GALNT2: variants seen among roughly 807,000 people sequenced by gnomAD.
The protein encoded by GALNT2 is polypeptide N-acetylgalactosaminyltransferase 2.
GALNT2 carries 31 observed loss-of-function variants against 81.4 expected under a neutral mutation model. That is an observed-to-expected ratio of 0.38 (90% confidence interval 0.29 to 0.51). GALNT2 has a LOEUF of 0.51. Ranked by LOEUF, GALNT2 falls within the 20% of genes least tolerant of loss-of-function variation. GALNT2 has a pLI of 0.87. For missense variants in GALNT2, 629 were observed against 765.7 expected, an observed-to-expected ratio of 0.82 and a Z score of 2.11; for synonymous variants, 303 against 287.4, an observed-to-expected ratio of 1.05 and a Z score of -0.55.
intron 1 of GALNT2, among the ~76,000 whole-genome samples, chr1:230,142,653 T>G (rs1661782045): frequency 6.6e-6 from 1 of 152,206 alleles, no homozygotes. Flanking sequence ...AATACGCCTG[T>G]GCTTTGGTGA....
chr1:230,156,246 T>A (rs4846912), intron 1 of GALNT2, among the ~76,000 whole-genome samples: 75,350 of 118,742 alleles, frequency 0.63, 20,488 homozygotes, highest in African/African-American at 0.74. Flanking sequence ...AGAGAGAGAG[T>A]GTGTGTGTGT....
At chr1:230,208,772 G>T (rs1443407494) in intron 3 of GALNT2, among the ~76,000 whole-genome samples, 1 of 152,228 alleles carries the variant, frequency 6.6e-6, no homozygotes, top group Non-Finnish European at 1.5e-5. Flanking sequence ...CGACTGTGAA[G>T]CTAAAAGGAG....
chr1:230,255,336 C>G lies in GALNT2; in HGVS notation c.1128C>G (p.Val376=). 6.2e-7 allele frequency: 1 copy of G among 1,614,252 alleles called. No individual in the cohort carries two copies. Among genetic ancestry groups the G allele is most frequent in the Non-Finnish European group, 8.5e-7 (1 of 1,180,050 alleles). Residue 376 remains valine (V), a synonymous_variant, in exon 11 of 16, where the codon GTC becomes GTG. Transcript: ENST00000366672. The part of the protein sequence containing the change: ...PYTFPGGSGT[V]FARNTRRAAE... ...CGTTCCCGGGTGGCAGTGGCACTGT[C>G]TTTGCCCGGTAAGTAGTGAAAGGCT...
At chr1:230,250,036 T>A (rs191653904) in intron 9 of GALNT2, among the ~76,000 whole-genome samples, 1 of 152,324 alleles carries the variant, frequency 6.6e-6, no homozygotes, top group Non-Finnish European at 1.5e-5. Context: ...TAATGAGAGC[T>A]GGTGCTGTGG....
chr1:230,227,032 A>G (rs1293010810), intron 3 of GALNT2, among the ~76,000 whole-genome samples: 3 of 151,828 alleles, frequency 2.0e-5, no homozygotes, highest in East Asian at 2.0e-4. Context: ...GAGAAGAAAC[A>G]TTAATATTAG....
chr1:230,165,381 G>A (rs1291832345), intron 1 of GALNT2, among the ~76,000 whole-genome samples: 2 of 152,130 alleles, frequency 1.3e-5, no homozygotes, highest in African/African-American at 4.8e-5. Flanking sequence ...ACGTTGTATT[G>A]GTGAATGTTC....
At chr1:230,071,602 G>T (rs7531967) in intron 1 of GALNT2, among the ~76,000 whole-genome samples, 2 of 151,930 alleles carry the variant, frequency 1.3e-5, no homozygotes, top group Non-Finnish European at 2.9e-5. Context: ...GGGCCCTCAC[G>T]TGGTTTAATG....
chr1:230,202,315 C>T lies in GALNT2; in HGVS notation c.221-822C>T, dbSNP rs189312584. ...CTGCCTTTATTACACCTGGGCTCAT[C>T]CTGACTTCACTCGCCTAGCAGTGCT... is the stretch of plus-strand genomic sequence containing the variant. On this transcript the variant is annotated intron_variant, in intron 2 of 15. Coordinates refer to ENST00000366672, the MANE Select transcript of GALNT2 (RefSeq NM_004481.5). Among the ~76,000 whole-genome samples, 493 of 152,272 alleles carry T rather than the reference C, an allele frequency of 3.2e-3. 3 individuals carry two copies. Among genetic ancestry groups the T allele is most frequent in the Non-Finnish European group, 5.4e-3 (367 of 68,008 alleles).
intron 6 of GALNT2, among the ~76,000 whole-genome samples, chr1:230,242,602 A>G (rs1207096838): frequency 2.0e-5 from 3 of 152,022 alleles, no homozygotes; most frequent in African/African-American, 4.8e-5. Context: ...TGGCGCAATC[A>G]TGGCTCACTT....
chr1:230,203,611 A>G (rs1033108835), intron 3 of GALNT2, among the ~76,000 whole-genome samples: 6 of 152,214 alleles, frequency 3.9e-5, no homozygotes, highest in African/African-American at 9.7e-5. Context: ...TTTATGATCC[A>G]TTCACAAAAA....
At chr1:230,173,160 T>A (rs609526) in intron 1 of GALNT2, among the ~76,000 whole-genome samples, 84,563 of 152,102 alleles carry the variant, frequency 0.56, 26,105 homozygotes, top group African/African-American at 0.84. Flanking sequence ...TAGAGTTCTC[T>A]TTCTCTGGCC....
chr1:230,250,246 C>G (rs1390873342), intron 9 of GALNT2, among the ~76,000 whole-genome samples: 1 of 152,196 alleles, frequency 6.6e-6, no homozygotes, highest in Non-Finnish European at 1.5e-5. Flanking sequence ...AACATCCAGG[C>G]AGGGACAGTG....
chr1:230,172,776 G>A lies in GALNT2; in HGVS notation c.127-5442G>A, dbSNP rs549596032. Among the ~76,000 whole-genome samples, 51 of 152,252 alleles carry A rather than the reference G, an allele frequency of 3.3e-4. No individual in the cohort carries two copies. The South Asian group carries it at 9.7e-3, about 29-fold the overall frequency. ...ATACTGGGAATATTCTATTAACAAC[G>A]AAACCTATATTTACACTTAATTAGT... On this transcript the variant is annotated intron_variant, in intron 1 of 15. Coordinates refer to ENST00000366672, the MANE Select transcript of GALNT2 (RefSeq NM_004481.5).
chr1:230,205,184 T>A (rs1321189340), intron 3 of GALNT2, among the ~76,000 whole-genome samples: 2 of 152,146 alleles, frequency 1.3e-5, no homozygotes, highest in Non-Finnish European at 2.9e-5. Flanking sequence ...CTGCATACAG[T>A]GAAAGAAGAT....
intron 1 of GALNT2, among the ~76,000 whole-genome samples, chr1:230,127,905 C>T (rs903307592): frequency 1.3e-5 from 2 of 152,218 alleles, no homozygotes; most frequent in Non-Finnish European, 2.9e-5. Flanking sequence ...CGGAACCTCC[C>T]CTCAGTCCTC....
chr1:230,059,914 G>A (rs955791403), intron 1 of GALNT2, among the ~76,000 whole-genome samples: 1 of 151,938 alleles, frequency 6.6e-6, no homozygotes, highest in African/African-American at 2.4e-5. Context: ...ATTCTTCTAA[G>A]CAACTATAGT....
At chr1:230,214,580 T>C (rs1221616496) in intron 3 of GALNT2, among the ~76,000 whole-genome samples, 1 of 152,246 alleles carries the variant, frequency 6.6e-6, no homozygotes, top group African/African-American at 2.4e-5. Flanking sequence ...TCCTTCCAGC[T>C]GCCTTTTCAG....
intron 1 of GALNT2, among the ~76,000 whole-genome samples, chr1:230,099,919 G>A (rs1039168585): frequency 1.3e-5 from 2 of 152,224 alleles, no homozygotes; most frequent in African/African-American, 2.4e-5. Context: ...CTAAGGAACT[G>A]TTTTATCTGG....
intron 3 of GALNT2, among the ~76,000 whole-genome samples, chr1:230,230,283 C>T (rs970919938): frequency 6.6e-6 from 1 of 152,164 alleles, no homozygotes; most frequent in Non-Finnish European, 1.5e-5. Context: ...GGGGCAGACT[C>T]AAACTCAATT....
Sources: allele counts gnomAD v4.1 joint callset (sites outside exome capture counted in the v4.1 genomes callset), GRCh38; gene constraint gnomAD v4.1.1; transcripts MANE v1.5; gene names NCBI Gene and HGNC (gene_info 2026-07-23, HGNC 2026-07-21).